NSL1: variants seen among roughly 807,000 people sequenced by gnomAD.
NSL1 encodes kinetochore-associated protein NSL1 homolog.
A neutral mutation model predicts 25.4 loss-of-function variants in NSL1; 11 were observed. The observed-to-expected ratio is 0.43, with a 90% CI of 0.27 to 0.72. The LOEUF is 0.72. NSL1 is among the 30% of genes least tolerant of loss of function. The probability of loss-of-function intolerance (pLI) is 0.19; values close to 1 mark genes in which losing one functional copy is unlikely to be tolerated. For synonymous variants in NSL1, 118 were observed against 120.6 expected, an observed-to-expected ratio of 0.98 and a Z score of 0.14; for missense variants, 330 against 342.7, an observed-to-expected ratio of 0.96 and a Z score of 0.29.
chr1:212,743,270 T>C (rs1260226027), intron 4 of NSL1, among the ~76,000 whole-genome samples: 1 of 152,124 alleles, frequency 6.6e-6, no homozygotes, highest in African/African-American at 2.4e-5. Context: ...GTTCAAGTGA[T>C]TCTCCTGACT....
At chr1:212,773,030 A>G (rs973722620) in intron 4 of NSL1, among the ~76,000 whole-genome samples, 1 of 152,242 alleles carries the variant, frequency 6.6e-6, no homozygotes, top group African/African-American at 2.4e-5. Flanking sequence ...CTTTCATCAT[A>G]GAAAAATCAG....
At position 212,736,694 on chromosome 1, in the gene NSL1, C is replaced by CA; in HGVS notation, c.*1713dup. On this transcript the variant is annotated 3_prime_UTR_variant, in exon 6 of 6. Coordinates refer to ENST00000366977, the MANE Select transcript of NSL1 (RefSeq NM_015471.4). Reference sequence around the variant, plus strand: ...CTGCCTGGGGACTTTAAAATATAACCATTTTTTAAAAACTTATAAAAATTT... The same window carrying CA: ...CTGCCTGGGGACTTTAAAATATAACCAATTTTTTAAAAACTTATAAAAATTT... 1 of 984,036 alleles carries CA rather than the reference C, an allele frequency of 1.0e-6. No individual in the cohort carries two copies. Among genetic ancestry groups the CA allele is most frequent in the Non-Finnish European group, 1.2e-6 (1 of 828,720 alleles). 61.0% of individuals were successfully genotyped at this position (984,036 alleles called of 1,614,324 possible).
At chr1:212,787,495 T>A in intron 2 of NSL1, 64 bp downstream of exon 2, 1 of 1,259,320 alleles carries the variant, frequency 7.9e-7, no homozygotes. Flanking sequence ...AAAAACAGCA[T>A]TCAAAACAAA....
chr1:212,787,182 T>C (rs1315449666), intron 2 of NSL1, among the ~76,000 whole-genome samples: 1 of 151,968 alleles, frequency 6.6e-6, no homozygotes, highest in Non-Finnish European at 1.5e-5. Flanking sequence ...AAAAATTGTC[T>C]TTTTAAGGAA....
chr1:212,778,545 C>T (rs1324525259), intron 4 of NSL1, among the ~76,000 whole-genome samples: 9 of 147,964 alleles, frequency 6.1e-5, no homozygotes, highest in East Asian at 2.0e-4. Context: ...ATTGCAGGCG[C>T]GCGCCGCCAC....
At chr1:212,761,990 A>T (rs1659591957) in intron 4 of NSL1, among the ~76,000 whole-genome samples, 1 of 151,724 alleles carries the variant, frequency 6.6e-6, no homozygotes, top group Non-Finnish European at 1.5e-5. Flanking sequence ...AAAAAAAAAA[A>T]AAAATCATGT....
intron 1 of NSL1, among the ~76,000 whole-genome samples, chr1:212,789,048 T>G (rs1446464350): frequency 6.6e-6 from 1 of 152,206 alleles, no homozygotes; most frequent in Non-Finnish European, 1.5e-5. Context: ...TCAAAGAATT[T>G]TGCTTTATGC....
Position 212,727,194 on chromosome 1 carries a change from G to C in NSL1, c.*11214C>G. 1 of 1,533,094 alleles carries C rather than the reference G, an allele frequency of 6.5e-7. No individual in the cohort carries two copies. The highest frequency in any genetic ancestry group is 1.2e-5 in the South Asian group (1 of 80,080). The allele number at this position is 1,533,094 out of a possible 1,614,324, so 95.0% of individuals were successfully genotyped here. On this transcript the variant is annotated 3_prime_UTR_variant, in exon 6 of 6. Transcript: ENST00000366977. ...AGGCTTGGCTCCTAATGTGTTAAAT[G>C]GGGGTGAATGGAATTTAGAAGATCT...
chr1:212,747,002 A>G (rs60308869), intron 4 of NSL1, among the ~76,000 whole-genome samples: 30,920 of 151,908 alleles, frequency 0.2, 3,929 homozygotes, highest in African/African-American at 0.37. Flanking sequence ...AAAATTAGCC[A>G]GGCATGGAGG....
rs919412869 is a variant in NSL1, at chr1:212,728,806, C to A, written c.*9602G>T. The A allele has an allele frequency of 2.0e-6, 2 of 985,314 alleles. No homozygotes were observed. The highest frequency in any genetic ancestry group is 3.5e-5 in the African/African-American group (2 of 57,320). 61.0% of individuals were successfully genotyped at this position (985,314 alleles called of 1,614,324 possible). On this transcript the variant is annotated 3_prime_UTR_variant, in exon 6 of 6. Transcript: ENST00000366977. The stretch of plus-strand genomic sequence containing the variant: ...TTCTGTTTTTCCTCTCACTCTGACT[C>A]GAGGAGGGCCCTCAGCGCAGAGAAA...
rs1419459240 is a variant in NSL1, at chr1:212,728,115, A to G, written c.*10293T>C. 3.1e-6 allele frequency: 3 copies of G among 963,516 alleles called. No individual in the cohort carries two copies. The highest frequency in any genetic ancestry group is 6.2e-5 in the Admixed American group (1 of 16,240). The allele number at this position is 963,516 out of a possible 1,614,324, so 59.7% of individuals were successfully genotyped here. A position where few individuals can be genotyped will look rare whatever the true frequency, so the allele number is the denominator to read the frequency against. ...CTCTTTCTCATGAAATGGGCGTGGT[A>G]ATAGCCCTTAATTCATGGATTGTCT... On this transcript the variant is annotated 3_prime_UTR_variant, in exon 6 of 6. Coordinates refer to ENST00000366977, the MANE Select transcript of NSL1 (RefSeq NM_015471.4).
In NSL1 at chr1:212,760,208, A is replaced by G. The variant is rs754744397; in HGVS notation, c.500-20607T>C. Among the ~76,000 whole-genome samples the G allele has an allele frequency of 1.3e-4, 20 of 152,062 alleles. No individual in the cohort carries two copies. Among genetic ancestry groups the G allele is most frequent in the Non-Finnish European group, 1.9e-4 (13 of 68,002 alleles). Reference sequence around the variant, plus strand: ...CCAGCCTGTGGGCCACTGGTACCTGAGCACACTAACCAAGGGCAAAGGGAT... The same window carrying G: ...CCAGCCTGTGGGCCACTGGTACCTGGGCACACTAACCAAGGGCAAAGGGAT... On this transcript the variant is annotated intron_variant, in intron 4 of 5. Transcript: ENST00000366977. The surrounding 1 kb of genome is among the most constrained non-coding windows in gnomAD (Gnocchi z 4.3).
In NSL1 at chr1:212,748,752, TACAGGGTATCCATAAGGCTGGGGA is replaced by T. The variant is rs1187901610; in HGVS notation, c.500-9175_500-9152del. Among the ~76,000 whole-genome samples, 3 of 152,220 alleles carry T rather than the reference TACAGGGTATCCATAAGGCTGGGGA, an allele frequency of 2.0e-5. No individual in the cohort carries two copies. In the East Asian group the frequency reaches 5.8e-4, roughly 29 times the overall value. On this transcript the variant is annotated intron_variant, in intron 4 of 5. Transcript: ENST00000366977. ...ACATTTTGGGGTACTGGAAATGTTA[TACAGGGTATCCATAAGGCTGGGGA>T]ACAGGATAAATATGTGCTAGTTACA...
rs1471800716 is a variant in NSL1 at position 212,729,696 on chromosome 1, T to C, written c.*8712A>G. The C allele has an allele frequency of 1.0e-5, 10 of 985,290 alleles. No homozygotes were observed. Among genetic ancestry groups the C allele is most frequent in the African/African-American group, 1.7e-5 (1 of 57,232 alleles). 61.0% of individuals were successfully genotyped at this position (985,290 alleles called of 1,614,324 possible). A position where few individuals can be genotyped will look rare whatever the true frequency, so the allele number is the denominator to read the frequency against. On this transcript the variant is annotated 3_prime_UTR_variant, in exon 6 of 6. Coordinates refer to ENST00000366977, the MANE Select transcript of NSL1 (RefSeq NM_015471.4). The stretch of plus-strand genomic sequence containing the variant: ...ACCAAATTTTTGTCAGAGAAGGAAA[T>C]GAAGCAAGATACCAAGGTCAAATCC...
intron 4 of NSL1, among the ~76,000 whole-genome samples, chr1:212,748,944 G>GT (rs1296184428): frequency 1.3e-5 from 2 of 151,862 alleles, no homozygotes; most frequent in Non-Finnish European, 2.9e-5. Context: ...ATGCTTCCAG[G>GT]TTTTTTGGAC....
chr1:212,791,482 G>A (rs1002829114), intron 1 of NSL1, 48 bp downstream of exon 1: 1 of 1,514,024 alleles, frequency 6.6e-7, no homozygotes, highest in South Asian at 1.2e-5. Context: ...GATCCTGGGT[G>A]TTGGGTAAGA....
rs1657947252 is a variant in NSL1, at chr1:212,730,024, G to A, written c.*8384C>T. 5 of 966,058 alleles carry A rather than the reference G, an allele frequency of 5.2e-6. No homozygotes were observed. Among genetic ancestry groups the A allele is most frequent in the South Asian group, 9.6e-5 (2 of 20,860 alleles). 59.8% of individuals were successfully genotyped at this position (966,058 alleles called of 1,614,324 possible). On this transcript the variant is annotated 3_prime_UTR_variant, in exon 6 of 6. Transcript: ENST00000366977. ...ACAGCACTTTGGGAGGCCAGGGCGA[G>A]TGGATCACCTGAGGTCAGGAGTTCG...
chr1:212,779,482 C>T (rs1226299481), intron 4 of NSL1, among the ~76,000 whole-genome samples: 49 of 121,128 alleles, frequency 4.0e-4, no homozygotes, highest in East Asian at 5.3e-4. Flanking sequence ...CTCTGCACGG[C>T]CAGCCGCCCC....
chr1:212,791,489 A>G, intron 1 of NSL1, 41 bp downstream of exon 1: 1 of 1,535,414 alleles, frequency 6.5e-7, no homozygotes, highest in South Asian at 1.1e-5. Context: ...GGTGTTGGGT[A>G]AGAGGATGAT....
Sources: gnomAD v4.1 joint callset for allele counts (sites outside exome capture counted in the v4.1 genomes callset) on GRCh38, gnomAD v4.1.1 for gene constraint, Gnocchi (gnomAD v3.1) non-coding constraint, MANE v1.5 for transcripts, NCBI Gene and HGNC (gene_info 2026-07-23, HGNC 2026-07-21) for gene names.